Variants in TENM1 observed in about 807,000 individuals in gnomAD.
The protein encoded by TENM1 is teneurin-1.
A neutral mutation model predicts 174.8 loss-of-function variants in TENM1; 35 were observed. The observed-to-expected ratio is 0.20, with a 90% confidence interval of 0.15 to 0.27. The LOEUF is 0.27. Ranked by LOEUF, TENM1 falls within the 10% of genes least tolerant of loss-of-function variation. The pLI, the probability that TENM1 is intolerant of heterozygous loss-of-function variation, is 1.00. For synonymous variants in TENM1, 781 were observed against 798.7 expected, an observed-to-expected ratio of 0.98 and a Z score of 0.37; for missense variants, 1,633 against 2,130.1, an observed-to-expected ratio of 0.77 and a Z score of 4.59.
At chrX:124,537,985 G>A (rs1283341714) in intron 15 of TENM1, among the ~76,000 whole-genome samples, 2 of 111,921 alleles carry the variant, frequency 1.8e-5, no homozygotes, top group Non-Finnish European at 3.8e-5. Flanking sequence ...AGTTGAAACA[G>A]CCTTTTGAAG....
the TENM1 span, among the ~76,000 whole-genome samples, chrX:124,984,942 T>G: frequency 8.9e-6 from 1 of 112,364 alleles, no homozygotes; most frequent in African/African-American, 3.2e-5. Flanking sequence ...TGGCTTCAAG[T>G]TGCTAAACAA....
At chrX:124,494,982 T>A (rs1413355920) in intron 20 of TENM1, among the ~76,000 whole-genome samples, 1 of 96,680 alleles carries the variant, frequency 1.0e-5, no homozygotes, top group Non-Finnish European at 2.1e-5. Flanking sequence ...TACGTGTGCA[T>A]GTGTCTTTAT....
intron 25 of TENM1, among the ~76,000 whole-genome samples, chrX:124,406,994 A>T (rs1289906635): frequency 8.9e-6 from 1 of 112,160 alleles, no homozygotes; most frequent in East Asian, 2.8e-4. Context: ...TGAATGAATC[A>T]TTCTTCCAAC....
the TENM1 span, among the ~76,000 whole-genome samples, chrX:125,201,950 G>A: frequency 9.0e-6 from 1 of 111,300 alleles, no homozygotes; most frequent in Non-Finnish European, 1.9e-5. Flanking sequence ...TTTTCCCCAC[G>A]TTGCAGATAT....
chrX:124,864,952 G>A (rs1399023501), intron 3 of TENM1, among the ~76,000 whole-genome samples: 1 of 110,442 alleles, frequency 9.1e-6, no homozygotes, highest in African/African-American at 3.3e-5. Flanking sequence ...AGGAGAGAAT[G>A]GCATGACATG....
chrX:124,508,424 T>G (rs1415126948), intron 18 of TENM1, among the ~76,000 whole-genome samples: 1 of 112,588 alleles, frequency 8.9e-6, no homozygotes, highest in Non-Finnish European at 1.9e-5. Flanking sequence ...ATAGATTTCC[T>G]AACGTTGAAC....
the TENM1 span, among the ~76,000 whole-genome samples, chrX:125,182,162 T>A: frequency 1.8e-5 from 2 of 110,368 alleles, no homozygotes; most frequent in African/African-American, 6.6e-5. Context: ...GCCATCCACC[T>A]TCCTTGGCTC....
the TENM1 span, among the ~76,000 whole-genome samples, chrX:125,064,867 AG>A: frequency 9.0e-6 from 1 of 111,284 alleles, no homozygotes; most frequent in African/African-American, 3.3e-5. Flanking sequence ...CAGCCTCCAA[AG>A]TGCTGGGATT....
At chrX:124,607,555 T>C (rs757084890) in intron 11 of TENM1, among the ~76,000 whole-genome samples, 2 of 110,823 alleles carry the variant, frequency 1.8e-5, no homozygotes, top group South Asian at 3.8e-4. Context: ...TGGAGCAGCA[T>C]GAAAGAGAGG....
intron 16 of TENM1, among the ~76,000 whole-genome samples, chrX:124,528,925 A>T (rs2048041900): frequency 9.0e-6 from 1 of 111,650 alleles, no homozygotes. Context: ...TTGGAAAAAT[A>T]AATCCGGCAC....
Position 124,384,145 on chromosome X carries a change from T to C in TENM1, c.6786A>G (p.Arg2262=). 6 of 1,211,356 alleles carry C rather than the reference T, an allele frequency of 5.0e-6. No individual in the cohort carries two copies. In the African/African-American group the frequency reaches 6.9e-5, roughly 14 times the overall value. Residue 2262 remains arginine, a synonymous_variant, in exon 30 of 32, where the codon CGA becomes CGG. Transcript: ENST00000422452. ...CTAGGCTGGACTTACTCGCGACACGTCGCCCAAGCCCATCATAGTAATACT... is the reference window on the plus strand; with the variant it reads ...CTAGGCTGGACTTACTCGCGACACGCCGCCCAAGCCCATCATAGTAATACT...
the TENM1 span, among the ~76,000 whole-genome samples, chrX:125,155,753 G>T: frequency 2.7e-5 from 3 of 112,692 alleles, no homozygotes; most frequent in Non-Finnish European, 5.6e-5. Context: ...CGGCCACTCC[G>T]AGTGTGGGGC....
intron 3 of TENM1, among the ~76,000 whole-genome samples, chrX:124,837,257 T>C (rs2056410835): frequency 9.0e-6 from 1 of 111,611 alleles, no homozygotes. Context: ...CCCGGCTAAT[T>C]TCTGTATTTT....
At chrX:124,587,568 C>T (rs1474966588) in intron 11 of TENM1, among the ~76,000 whole-genome samples, 1 of 111,376 alleles carries the variant, frequency 9.0e-6, no homozygotes, top group Non-Finnish European at 1.9e-5. Flanking sequence ...AAACGTTAGA[C>T]CTAAAACCAT....
chrX:124,376,309 C>T (rs1569527932), exon 32 of TENM1: 1 of 112,459 alleles, frequency 8.9e-6, no homozygotes. Context: ...GAATGTTTTT[C>T]TGACATAAAG....
chrX:124,642,985 A>G (rs1385736449), intron 10 of TENM1, among the ~76,000 whole-genome samples: 2 of 111,962 alleles, frequency 1.8e-5, no homozygotes, highest in Non-Finnish European at 3.8e-5. Context: ...GAACAGAGTA[A>G]GTCTAACTAA....
intron 25 of TENM1, among the ~76,000 whole-genome samples, chrX:124,416,971 C>T (rs1262043953): frequency 8.9e-6 from 1 of 111,793 alleles, no homozygotes; most frequent in Non-Finnish European, 1.9e-5. Context: ...GAGAGTAGCC[C>T]TCACCAGACA....
At chrX:124,739,055 C>T (rs755623475) in intron 3 of TENM1, among the ~76,000 whole-genome samples, 7 of 111,789 alleles carry the variant, frequency 6.3e-5, no homozygotes, top group African/African-American at 2.3e-4. Flanking sequence ...ACCATGACTC[C>T]TTAAATGTAG....
At chrX:125,179,251 G>A in the TENM1 span, among the ~76,000 whole-genome samples, 3 of 110,946 alleles carry the variant, frequency 2.7e-5, no homozygotes, top group Non-Finnish European at 5.7e-5. Flanking sequence ...GGGTGGACTG[G>A]GAGCAAGAGA....
Sources: allele counts gnomAD v4.1 joint callset (sites outside exome capture counted in the v4.1 genomes callset), GRCh38; gene constraint gnomAD v4.1.1; transcripts MANE v1.5; gene names NCBI Gene and HGNC (gene_info 2026-07-23, HGNC 2026-07-21).